Variants in BAHCC1 observed in about 807,000 individuals in gnomAD.
The protein encoded by BAHCC1 is BAH and coiled-coil domain-containing protein 1.
In BAHCC1, 43 loss-of-function variants were observed where a neutral mutation model predicts 88.2. That is an observed-to-expected ratio of 0.49 (90% confidence interval 0.38 to 0.63). The LOEUF is 0.63. BAHCC1 is among the 20% of genes least tolerant of loss of function. The pLI is 0.00. For synonymous variants in BAHCC1, 1,510 were observed against 745.5 expected, an observed-to-expected ratio of 2.03 and a Z score of -16.71; for missense variants, 3,023 against 1,654.8, an observed-to-expected ratio of 1.83 and a Z score of -14.34.
chr17:81,410,255 G>A (rs188992005), intron 2 of BAHCC1, among the ~76,000 whole-genome samples: 14 of 152,314 alleles, frequency 9.2e-5, no homozygotes, highest in African/African-American at 3.1e-4. Flanking sequence ...GGGAGGAGGC[G>A]GCTGTACCTG....
At chr17:81,443,683 C>T in intron 5 of BAHCC1, 119 bp downstream of exon 5, 1 of 641,482 alleles carries the variant, frequency 1.6e-6, no homozygotes, top group Admixed American at 2.3e-5. Context: ...CTCCGAGGCC[C>T]CAGGACCAGG....
In BAHCC1 at chr17:81,399,643, ACGC is replaced by A; in HGVS notation, c.-89_-87del. ...CCGCCACCACCGCCTGTGACCCCGG[ACGC>A]CGCCGCCTCTGCGCCGCCCGCGCGC... is the stretch of plus-strand genomic sequence containing the variant. On this transcript the variant is annotated 5_prime_UTR_variant, in exon 2 of 28. Transcript: ENST00000675386. This position sits in a 1 kb window ranked among gnomAD's most constrained non-coding sequence, Gnocchi z 4.5. 3.6e-6 allele frequency: 3 copies of A among 824,350 alleles called. No homozygotes were observed. Among genetic ancestry groups the A allele is most frequent in the Non-Finnish European group, 1.6e-6 (1 of 643,116 alleles). The allele number at this position is 824,350 out of a possible 1,614,324, so 51.1% of individuals were successfully genotyped here. A position where few individuals can be genotyped will look rare whatever the true frequency, so the allele number is the denominator to read the frequency against.
Position 81,458,841 on chromosome 17 carries a change from T to C in BAHCC1, c.5477T>C (p.Leu1826Pro). The C allele has an allele frequency of 1.3e-6, 1 of 768,466 alleles. No homozygotes were observed. The highest frequency in any genetic ancestry group is 2.4e-6 in the Non-Finnish European group (1 of 409,784). The allele number at this position is 768,466 out of a possible 1,614,324, so 47.6% of individuals were successfully genotyped here. The change falls in exon 20 of 28, where the codon CTG becomes CCG. Residue 1826 changes from leucine (L) to proline (P), a missense_variant. By Grantham distance (98) the Leu-to-Pro change is moderately conservative (BLOSUM62 -3). Transcript: ENST00000675386. ...QGKGRAVSRL[L>P]ESFAVEEDFE... ...AAGGGCCGGGCCGTGAGCCGCCTGCTGGAAAGCTTCGCCGTGGAGGAAGAC... is the reference window on the plus strand; with the variant it reads ...AAGGGCCGGGCCGTGAGCCGCCTGCCGGAAAGCTTCGCCGTGGAGGAAGAC...
At chr17:81,398,975 TCGC>T (rs2063775107) in intron 1 of BAHCC1, among the ~76,000 whole-genome samples, 1 of 151,450 alleles carries the variant, frequency 6.6e-6, no homozygotes, top group Non-Finnish European at 1.5e-5. Flanking sequence ...ATAAAATTAC[TCGC>T]TTAATTAGCA....
In BAHCC1 at chr17:81,445,553, C is replaced by T. The variant is rs371319271; in HGVS notation, c.3035C>T (p.Pro1012Leu). Residue 1012 changes from proline (P) to leucine (L), a missense_variant, in exon 10 of 28, where the codon CCC becomes CTC. By Grantham distance (98) the Pro-to-Leu change is moderately conservative. Transcript: ENST00000675386. The part of the protein sequence containing the change: ...PASSPTPPPR[P>L]SAPCTLNVCP... ...AGCTCCCCCACCCCACCACCTCGGCCCAGCGCCCCGTGCACTTTAAATGTC... is the reference window on the plus strand; with the variant it reads ...AGCTCCCCCACCCCACCACCTCGGCTCAGCGCCCCGTGCACTTTAAATGTC... The T allele has an allele frequency of 2.1e-5, 15 of 724,066 alleles. No individual in the cohort carries two copies. The highest frequency in any genetic ancestry group is 1.2e-4 in the African/African-American group (7 of 57,586). 44.9% of individuals were successfully genotyped at this position (724,066 alleles called of 1,614,324 possible). A position where few individuals can be genotyped will look rare whatever the true frequency, so the allele number is the denominator to read the frequency against.
At position 81,445,342 on chromosome 17, in the gene BAHCC1, C is replaced by T. The variant is rs782167209; in HGVS notation, c.2836-12C>T. On this transcript the variant is annotated splice_polypyrimidine_tract_variant and intron_variant, in intron 9 of 27. Transcript: ENST00000675386. Reference sequence around the variant, plus strand: ...TCCTGAGCCTGACCGAGCTTGCCCCCATCCCTGACAGCGGAAGCCCGAAGA... The same window carrying T: ...TCCTGAGCCTGACCGAGCTTGCCCCTATCCCTGACAGCGGAAGCCCGAAGA... 5.2e-6 allele frequency: 4 copies of T among 769,364 alleles called. No homozygotes were observed. The East Asian group carries it at 7.4e-5, about 14-fold the overall frequency. The allele number at this position is 769,364 out of a possible 1,614,324, so 47.7% of individuals were successfully genotyped here.
intron 17 of BAHCC1, among the ~76,000 whole-genome samples, chr17:81,457,957 A>C: frequency 8.8e-6 from 1 of 113,462 alleles, no homozygotes; most frequent in African/African-American, 3.5e-5. Flanking sequence ...GTTGCTGGGT[A>C]ACCGGGGGGA....
rs368362048 is a variant in BAHCC1, at chr17:81,451,726, C to T, written c.4035C>T (p.Ala1345=). Residue 1345 remains alanine, a synonymous_variant, in exon 12 of 28, where the codon GCC becomes GCT. Transcript: ENST00000675386. The part of the protein sequence containing the change: ...NLQHLATLAT[A]WSLVEAAGLD... ...AGCACCTGGCCACGCTGGCCACAGC[C>T]TGGTCCCTGGTGGAGGCCGCTGGCC... 1,373 of 776,476 alleles carry T rather than the reference C, an allele frequency of 1.8e-3. 26 individuals are homozygous for T. Among genetic ancestry groups the T allele is most frequent in the South Asian group, 0.013 (995 of 74,470 alleles). 48.1% of individuals were successfully genotyped at this position (776,476 alleles called of 1,614,324 possible). A position where few individuals can be genotyped will look rare whatever the true frequency, so the allele number is the denominator to read the frequency against.
At chr17:81,413,897 T>C (rs1226892133) in intron 2 of BAHCC1, among the ~76,000 whole-genome samples, 1 of 152,174 alleles carries the variant, frequency 6.6e-6, no homozygotes, top group Non-Finnish European at 1.5e-5. Context: ...CTTCCGTTTC[T>C]GCATCAGCTG....
chr17:81,425,133 G>T (rs1555650142), intron 2 of BAHCC1, among the ~76,000 whole-genome samples: 1 of 148,334 alleles, frequency 6.7e-6, no homozygotes, highest in Non-Finnish European at 1.5e-5. Context: ...GATAGTGGTG[G>T]GTGATGTGGT....
intron 10 of BAHCC1, 137 bp downstream of exon 10, chr17:81,445,818 C>A: frequency 1.6e-6 from 1 of 606,576 alleles, no homozygotes; most frequent in Non-Finnish European, 3.0e-6. Context: ...CATGGCTGTT[C>A]CCTTCCTCTC....
intron 2 of BAHCC1, among the ~76,000 whole-genome samples, chr17:81,426,469 G>GGTGATGTGGTTGGT (rs879098645): frequency 3.2e-5 from 4 of 124,694 alleles, no homozygotes; most frequent in Non-Finnish European, 5.1e-5. Context: ...ATGTGGTTGG[G>GGTGATGTGGTTGGT]GGTGATAGTG....
intron 4 of BAHCC1, among the ~76,000 whole-genome samples, 163 bp from the exon 5 acceptor site, chr17:81,441,668 C>CAAAA (rs11333301): frequency 4.4e-5 from 4 of 91,622 alleles, no homozygotes; most frequent in Non-Finnish European, 4.2e-5. Context: ...GACTCCGTCT[C>CAAAA]AAAAAAAAAA....
In BAHCC1 at chr17:81,455,295, T is replaced by G. The variant is rs1460309918; in HGVS notation, c.4474T>G (p.Cys1492Gly). Residue 1492 changes from cysteine to glycine, a missense_variant, in exon 15 of 28, where the codon TGT (cysteine) becomes GGT (glycine). Transcript: ENST00000675386. ...GGTGCGGACAAGCCTGGGTCTGCTG[T>G]GTGCGGAGCTGCGAGGAGGCAGTGG... Reference protein sequence around the residue: ...KAVRTSLGLLCAELRGGSGGE... With the variant: ...KAVRTSLGLLGAELRGGSGGE... 1.4e-6 allele frequency: 1 copy of G among 717,122 alleles called. No individual in the cohort carries two copies. The highest frequency in any genetic ancestry group is 2.6e-6 in the Non-Finnish European group (1 of 385,318). The allele number at this position is 717,122 out of a possible 1,614,324, so 44.4% of individuals were successfully genotyped here.
intron 2 of BAHCC1, among the ~76,000 whole-genome samples, chr17:81,418,943 G>C (rs1263072309): frequency 2.0e-5 from 3 of 151,928 alleles, no homozygotes; most frequent in Non-Finnish European, 2.9e-5. Context: ...GTCACACACA[G>C]TCCCTCCCCT....
At chr17:81,404,829 T>G (rs773148834) in intron 2 of BAHCC1, among the ~76,000 whole-genome samples, 2 of 152,134 alleles carry the variant, frequency 1.3e-5, no homozygotes, top group Admixed American at 6.5e-5. Flanking sequence ...GCGGGCACCT[T>G]TGTTCTCCTT....
intron 1 of BAHCC1, among the ~76,000 whole-genome samples, chr17:81,398,933 T>TA (rs551129478): frequency 0.049 from 6,672 of 135,694 alleles, 355 homozygotes; most frequent in African/African-American, 0.14. Flanking sequence ...GGAAGGTTAT[T>TA]AAAAAAAAAA....
Position 81,399,931 on chromosome 17 carries a change from CG to C in BAHCC1, c.178+18del, listed in dbSNP as rs1567990355. 3 of 1,353,196 alleles carry C rather than the reference CG, an allele frequency of 2.2e-6. No homozygotes were observed. The highest frequency in any genetic ancestry group is 1.8e-5 in the South Asian group (1 of 55,864). The allele number at this position is 1,353,196 out of a possible 1,614,324, so 83.8% of individuals were successfully genotyped here. A position where few individuals can be genotyped will look rare whatever the true frequency, so the allele number is the denominator to read the frequency against. On this transcript the variant is annotated intron_variant, in intron 2 of 27. Transcript: ENST00000675386. The surrounding 1 kb of genome is among the most constrained non-coding windows in gnomAD (Gnocchi z 4.5). Reference sequence around the variant, plus strand: ...CTTCGCACACAGGTCAGTGCTCGGCCGGGGCGGGCGCGGGACGGGAGCGTTC... The same window carrying C: ...CTTCGCACACAGGTCAGTGCTCGGCCGGGCGGGCGCGGGACGGGAGCGTTC...
chr17:81,451,949 G>A, intron 12 of BAHCC1, 22 bp from the exon 13 acceptor site: 1 of 611,468 alleles, frequency 1.6e-6, no homozygotes, highest in Non-Finnish European at 2.9e-6. Flanking sequence ...CGGCTCACAG[G>A]CCCCTGTGCC....
Sources: allele counts gnomAD v4.1 joint callset (sites outside exome capture counted in the v4.1 genomes callset), GRCh38; gene constraint gnomAD v4.1.1; non-coding constraint Gnocchi (gnomAD v3.1); transcripts MANE v1.5; gene names NCBI Gene and HGNC (gene_info 2026-07-23, HGNC 2026-07-21).